The following WWOX variants were observed in gnomAD, a reference collection of about 807,000 sequenced individuals.
WWOX encodes the protein WW domain containing oxidoreductase, also known as WW domain-containing oxidoreductase.
A neutral mutation model predicts 46.2 loss-of-function variants in WWOX; 69 were observed. The ratio of observed to expected loss-of-function variants is 1.49; its 90% CI spans 1.23 to 1.82. The LOEUF (loss-of-function observed/expected upper bound fraction) is 1.82. WWOX is among the 40% of genes most tolerant of loss of function. WWOX has a pLI of 0.00. For missense variants in WWOX, 919 were observed against 542.6 expected, an observed-to-expected ratio of 1.69 and a Z score of -6.89; for synonymous variants, 359 against 202.6, an observed-to-expected ratio of 1.77 and a Z score of -6.56.
intron 4 of WWOX, among the ~76,000 whole-genome samples, chr16:78,154,472 C>T (rs1453202619): frequency 6.9e-6 from 1 of 145,862 alleles, no homozygotes; most frequent in Non-Finnish European, 1.5e-5. Context: ...AGAGTTGCTC[C>T]CCAATCCTTG....
intron 6 of WWOX, among the ~76,000 whole-genome samples, chr16:78,420,640 A>G (rs2082903831): frequency 7.5e-6 from 1 of 133,156 alleles, no homozygotes; most frequent in Non-Finnish European, 1.5e-5. Flanking sequence ...GAGGGTGGCT[A>G]GTGATTGCTA....
chr16:78,386,916 G>A lies in WWOX; in HGVS notation c.573G>A (p.Gln191=). Residue 191 remains glutamine, a synonymous_variant, in exon 6 of 9, where the codon CAG becomes CAA. Transcript: ENST00000566780. ...ACCTCGCTCTGCTCCGTAGCGTGCA[G>A]CATTTTGCTGAAGCATTCAAGGCCA... ...TLDLALLRSV[Q]HFAEAFKAKN... The A allele has an allele frequency of 6.2e-7, 1 of 1,614,128 alleles. No individual in the cohort carries two copies. Among genetic ancestry groups the A allele is most frequent in the Non-Finnish European group, 8.5e-7 (1 of 1,180,000 alleles).
chr16:78,845,547 C>G (rs1028151795), intron 8 of WWOX, among the ~76,000 whole-genome samples: 1 of 152,082 alleles, frequency 6.6e-6, no homozygotes, highest in Non-Finnish European at 1.5e-5. Context: ...TAATTTTCCC[C>G]CAAAAGCAAG....
intron 8 of WWOX, among the ~76,000 whole-genome samples, chr16:79,081,418 C>G (rs993642572): frequency 1.3e-5 from 2 of 152,306 alleles, no homozygotes; most frequent in African/African-American, 4.8e-5. Flanking sequence ...TCCACTTTGG[C>G]CTCCCAAAGC....
At chr16:78,142,218 T>C (rs779259411) in intron 4 of WWOX, among the ~76,000 whole-genome samples, 8 of 152,166 alleles carry the variant, frequency 5.3e-5, no homozygotes, top group Non-Finnish European at 1.2e-4. Flanking sequence ...TGGAATTGAG[T>C]TGAGGCTTTG....
chr16:78,169,741 A>G (rs888790941), intron 5 of WWOX, among the ~76,000 whole-genome samples: 5 of 152,102 alleles, frequency 3.3e-5, no homozygotes, highest in African/African-American at 4.8e-5. Flanking sequence ...GATGTCATCC[A>G]TCTCCCTACG....
At chr16:78,388,870 G>A (rs2082116918) in intron 6 of WWOX, among the ~76,000 whole-genome samples, 1 of 151,778 alleles carries the variant, frequency 6.6e-6, no homozygotes, top group Admixed American at 6.6e-5. Flanking sequence ...TTGGGAGGCT[G>A]AGGCAGGAGA....
intron 8 of WWOX, among the ~76,000 whole-genome samples, chr16:79,196,177 T>C (rs1469945819): frequency 6.6e-6 from 1 of 152,250 alleles, no homozygotes; most frequent in Non-Finnish European, 1.5e-5. Flanking sequence ...CTTCACCTGT[T>C]GGTGAACAGT....
At chr16:78,811,506 T>C (rs1454147222) in intron 8 of WWOX, among the ~76,000 whole-genome samples, 1 of 151,972 alleles carries the variant, frequency 6.6e-6, no homozygotes, top group African/African-American at 2.4e-5. Context: ...TTTCTTTTCT[T>C]TCTTTTTCCT....
At chr16:79,090,596 G>C (rs1031137903) in intron 8 of WWOX, among the ~76,000 whole-genome samples, 1 of 152,144 alleles carries the variant, frequency 6.6e-6, no homozygotes, top group Non-Finnish European at 1.5e-5. Context: ...AGACGATGCT[G>C]TATGGCTCTA....
rs1567596394 is a variant in WWOX, at chr16:78,144,471, A to ATATATATATG, written c.410-19703_410-19702insGTATATATAT. Among the ~76,000 whole-genome samples the ATATATATATG allele has an allele frequency of 1.4e-3, 46 of 33,580 alleles. 2 individuals are homozygous for ATATATATATG. Among genetic ancestry groups the ATATATATATG allele is most frequent in the East Asian group, 0.011 (13 of 1,228 alleles). The allele number at this position is 33,580 out of a possible 152,430, so 22.0% of individuals were successfully genotyped here. ...TACACATATATATATATACACACAT[A>ATATATATATG]TATATATATATATATACACACACAC... On this transcript the variant is annotated intron_variant, in intron 4 of 8. Coordinates refer to ENST00000566780, the MANE Select transcript of WWOX (RefSeq NM_016373.4).
intron 8 of WWOX, among the ~76,000 whole-genome samples, chr16:78,623,804 G>T (rs1356215649): frequency 6.6e-6 from 1 of 151,548 alleles, no homozygotes; most frequent in East Asian, 1.9e-4. Flanking sequence ...TATGAATGAA[G>T]AAGAAAATAA....
chr16:78,765,339 C>G (rs1261683795), intron 8 of WWOX, among the ~76,000 whole-genome samples: 3 of 152,196 alleles, frequency 2.0e-5, no homozygotes, highest in Non-Finnish European at 2.9e-5. Flanking sequence ...AGGGTGAGGG[C>G]TTTGCTCTGA....
At chr16:78,404,979 C>T (rs556232560) in intron 6 of WWOX, among the ~76,000 whole-genome samples, 1 of 152,290 alleles carries the variant, frequency 6.6e-6, no homozygotes, top group African/African-American at 2.4e-5. Context: ...GATGCATTTT[C>T]CCTAGAAAAC....
At chr16:78,861,684 A>G (rs1337731631) in intron 8 of WWOX, among the ~76,000 whole-genome samples, 1 of 152,238 alleles carries the variant, frequency 6.6e-6, no homozygotes, top group African/African-American at 2.4e-5. Flanking sequence ...TTCTCTAAAT[A>G]TTATAAATGT....
chr16:78,688,171 AT>A (rs2047904978), intron 8 of WWOX, among the ~76,000 whole-genome samples: 1 of 152,104 alleles, frequency 6.6e-6, no homozygotes, highest in Non-Finnish European at 1.5e-5. Context: ...GAAAAAAAAA[AT>A]GTGAGGCCTT....
At chr16:78,661,030 G>C (rs1567471622) in intron 8 of WWOX, among the ~76,000 whole-genome samples, 1 of 152,146 alleles carries the variant, frequency 6.6e-6, no homozygotes, top group African/African-American at 2.4e-5. Context: ...ACATGACTTA[G>C]TAATGAATGT....
intron 8 of WWOX, among the ~76,000 whole-genome samples, chr16:78,488,752 T>G (rs905502992): frequency 8.5e-5 from 13 of 152,198 alleles, no homozygotes; most frequent in Admixed American, 1.3e-4. Flanking sequence ...CTGGGGCATC[T>G]GACTTCACCT....
chr16:78,994,564 G>C (rs910833507), intron 8 of WWOX, among the ~76,000 whole-genome samples: 1 of 152,186 alleles, frequency 6.6e-6, no homozygotes, highest in African/African-American at 2.4e-5. Flanking sequence ...AAATGAATGT[G>C]AAGACCGAGG....
Sources: allele counts gnomAD v4.1 joint callset (sites outside exome capture counted in the v4.1 genomes callset), GRCh38; gene constraint gnomAD v4.1.1; transcripts MANE v1.5; gene names NCBI Gene and HGNC (gene_info 2026-07-23, HGNC 2026-07-21).